The following L3MBTL4 variants were observed in gnomAD, a reference collection of about 807,000 sequenced individuals.
The protein encoded by L3MBTL4 is L3MBTL histone methyl-lysine binding protein 4, also known as lethal(3)malignant brain tumor-like protein 4.
A neutral mutation model predicts 84.5 loss-of-function variants in L3MBTL4; 70 were observed. The observed-to-expected ratio is 0.83, with a 90% CI of 0.68 to 1.01. The LOEUF (loss-of-function observed/expected upper bound fraction) is 1.01, where lower values mean the gene tolerates loss of function less well. Among genes scored for constraint, L3MBTL4 ranks in the 50% least tolerant of loss-of-function variants. The probability of loss-of-function intolerance (pLI) is 0.00; values close to 1 mark genes in which losing one functional copy is unlikely to be tolerated. For missense variants in L3MBTL4, 715 were observed against 754.8 expected (o/e 0.95, Z 0.62); for synonymous variants, 274 against 259.8 (o/e 1.05, Z -0.52).
chr18:5,967,563 C>G (rs2052416271), intron 17 of L3MBTL4, among the ~76,000 whole-genome samples: 1 of 152,156 alleles, frequency 6.6e-6, no homozygotes, highest in South Asian at 2.1e-4. Flanking sequence ...CCTTGTCATT[C>G]AACATTCATT....
intron 1 of L3MBTL4, among the ~76,000 whole-genome samples, chr18:6,392,436 C>G (rs1268649310): frequency 6.6e-6 from 1 of 152,182 alleles, no homozygotes; most frequent in Non-Finnish European, 1.5e-5. Context: ...ATAATCCCAG[C>G]TACTCAGGAG....
chr18:6,390,545 T>C (rs1033824198), intron 1 of L3MBTL4, among the ~76,000 whole-genome samples: 4 of 152,048 alleles, frequency 2.6e-5, no homozygotes, highest in African/African-American at 9.7e-5. Flanking sequence ...ACCTGGTTCT[T>C]TGAAAAGATA....
chr18:6,204,993 C>T (rs1447732370), intron 12 of L3MBTL4, among the ~76,000 whole-genome samples: 1 of 152,184 alleles, frequency 6.6e-6, no homozygotes, highest in Admixed American at 6.5e-5. Context: ...AAAACAATTG[C>T]ATAAGGCAGA....
At chr18:6,225,166 T>C (rs1217534078) in intron 10 of L3MBTL4, among the ~76,000 whole-genome samples, 2 of 152,058 alleles carry the variant, frequency 1.3e-5, no homozygotes, top group African/African-American at 4.8e-5. Flanking sequence ...GATCTAAAGT[T>C]CCAAAGCAAC....
At chr18:6,009,020 G>A (rs560505885) in intron 16 of L3MBTL4, among the ~76,000 whole-genome samples, 2 of 152,218 alleles carry the variant, frequency 1.3e-5, no homozygotes, top group Non-Finnish European at 2.9e-5. Context: ...TTCGGCACAA[G>A]TGGCTCAGAG....
At chr18:6,208,573 TG>T (rs1163717381) in intron 12 of L3MBTL4, among the ~76,000 whole-genome samples, 1 of 152,252 alleles carries the variant, frequency 6.6e-6, no homozygotes, top group East Asian at 1.9e-4. Context: ...AATGTTACTC[TG>T]TTTTAAGTCC....
chr18:6,018,473 C>T (rs929316581), intron 16 of L3MBTL4, among the ~76,000 whole-genome samples: 34 of 152,142 alleles, frequency 2.2e-4, no homozygotes, highest in African/African-American at 7.7e-4. Context: ...TTCCTACCCA[C>T]GGAAAGCCTG....
At chr18:6,099,477 T>A (rs62079166) in intron 14 of L3MBTL4, among the ~76,000 whole-genome samples, 9,185 of 149,104 alleles carry the variant, frequency 0.062, 396 homozygotes, top group African/African-American at 0.13. Context: ...CCATCATGAG[T>A]TTTTAACATC....
chr18:6,031,046 T>C (rs1189703633), intron 16 of L3MBTL4: 1 of 985,336 alleles, frequency 1.0e-6, no homozygotes, highest in Non-Finnish European at 1.2e-6. Context: ...CTGGCTGGAC[T>C]GCTCCATAAA....
intron 16 of L3MBTL4, among the ~76,000 whole-genome samples, chr18:6,038,623 G>A (rs944339450): frequency 1.3e-5 from 2 of 152,120 alleles, no homozygotes; most frequent in Admixed American, 6.6e-5. Context: ...TGATGGGGGA[G>A]AGCGGCACTT....
chr18:6,178,866 C>T (rs1273474209), intron 12 of L3MBTL4, among the ~76,000 whole-genome samples: 5 of 152,302 alleles, frequency 3.3e-5, no homozygotes, highest in African/African-American at 1.2e-4. Flanking sequence ...TCTTTACTTC[C>T]CAATGCCCAC....
At position 5,956,145 on chromosome 18, in the gene L3MBTL4, A is replaced by G; in HGVS notation, c.*75T>C. ...TGGATACGGCCATGGGGACATTCAC[A>G]TCAAATTAATGTGCTCCACTTTTAT... On this transcript the variant is annotated 3_prime_UTR_variant, in exon 19 of 19. Coordinates refer to ENST00000317931, the MANE Select transcript of L3MBTL4 (RefSeq NM_001330559.2). The G allele has an allele frequency of 7.9e-7, 1 of 1,272,958 alleles. No individual in the cohort carries two copies. Among genetic ancestry groups the G allele is most frequent in the Non-Finnish European group, 1.1e-6 (1 of 896,370 alleles). 78.9% of individuals were successfully genotyped at this position (1,272,958 alleles called of 1,614,324 possible). A position where few individuals can be genotyped will look rare whatever the true frequency, so the allele number is the denominator to read the frequency against.
At chr18:6,168,662 A>T (rs2043806914) in intron 13 of L3MBTL4, among the ~76,000 whole-genome samples, 1 of 151,958 alleles carries the variant, frequency 6.6e-6, no homozygotes, top group South Asian at 2.1e-4. Flanking sequence ...CTTACACCTT[A>T]TACAAAAATT....
intron 16 of L3MBTL4, among the ~76,000 whole-genome samples, chr18:6,006,649 A>G (rs1325951972): frequency 6.6e-6 from 1 of 152,230 alleles, no homozygotes; most frequent in Non-Finnish European, 1.5e-5. Flanking sequence ...TCAAACCTTC[A>G]GAAAGGAGAG....
intron 13 of L3MBTL4, among the ~76,000 whole-genome samples, chr18:6,156,834 T>C (rs1192735456): frequency 6.6e-6 from 1 of 152,218 alleles, no homozygotes; most frequent in African/African-American, 2.4e-5. Context: ...GTACATGTGA[T>C]GACAGAAACT....
intron 14 of L3MBTL4, among the ~76,000 whole-genome samples, chr18:6,127,094 T>G (rs551236629): frequency 1.4e-4 from 21 of 152,206 alleles, no homozygotes; most frequent in Non-Finnish European, 2.4e-4. Context: ...GGAACCCTTT[T>G]GAACACAGTG....
chr18:6,327,136 T>C (rs2051767934), intron 1 of L3MBTL4, among the ~76,000 whole-genome samples: 1 of 151,890 alleles, frequency 6.6e-6, no homozygotes, highest in Non-Finnish European at 1.5e-5. Flanking sequence ...TTGAAGCGAG[T>C]GTGAAGCAAG....
chr18:6,263,290 A>G (rs902748325), intron 5 of L3MBTL4, among the ~76,000 whole-genome samples: 1 of 152,042 alleles, frequency 6.6e-6, no homozygotes, highest in Non-Finnish European at 1.5e-5. Flanking sequence ...AAAAAGAAAA[A>G]AAAAAGTAAA....
intron 15 of L3MBTL4, among the ~76,000 whole-genome samples, chr18:6,092,938 C>T (rs2058508793): frequency 6.6e-6 from 1 of 152,028 alleles, no homozygotes; most frequent in African/African-American, 2.4e-5. Flanking sequence ...TTAAAGATGA[C>T]AAAGACAAGT....
Sources: allele counts gnomAD v4.1 joint callset (sites outside exome capture counted in the v4.1 genomes callset), GRCh38; gene constraint gnomAD v4.1.1; transcripts MANE v1.5; gene names NCBI Gene and HGNC (gene_info 2026-07-23, HGNC 2026-07-21).